SLC36A1: variants seen among roughly 807,000 people sequenced by gnomAD.
The protein encoded by SLC36A1 is proton-coupled amino acid transporter 1.
A neutral mutation model predicts 47.5 loss-of-function variants in SLC36A1; 30 were observed. That is an observed-to-expected ratio of 0.63 (90% CI 0.47 to 0.86). The LOEUF (loss-of-function observed/expected upper bound fraction) is 0.86, where lower values mean the gene tolerates loss of function less well. Among genes scored for constraint, SLC36A1 ranks in the 40% least tolerant of loss-of-function variants. The pLI is 0.00. For synonymous variants in SLC36A1, 255 were observed against 249.7 expected (o/e 1.02, Z -0.20); for missense variants, 517 against 606.0 (o/e 0.85, Z 1.54).
chr5:151,474,178 A>AAAAAAAAAAAAGGAG (rs776318482), intron 8 of SLC36A1, among the ~76,000 whole-genome samples: 2 of 119,008 alleles, frequency 1.7e-5, no homozygotes, highest in Non-Finnish European at 3.2e-5. Context: ...AAAAAAAAAA[A>AAAAAAAAAAAAGGAG]AGAAATTATC....
intron 10 of SLC36A1, among the ~76,000 whole-genome samples, chr5:151,483,174 T>G (rs152391): frequency 0.16 from 23,636 of 152,254 alleles, 2,096 homozygotes; most frequent in Non-Finnish European, 0.21. Context: ...GTAAGTTCGC[T>G]TTTGTTCTTT....
the SLC36A1 span, among the ~76,000 whole-genome samples, chr5:151,518,450 A>C: frequency 6.6e-6 from 1 of 152,060 alleles, no homozygotes; most frequent in Admixed American, 6.6e-5. Context: ...TTTATTCTAC[A>C]TAGTTTCCAT....
chr5:151,362,852 G>C, the SLC36A1 span, among the ~76,000 whole-genome samples: 1 of 151,988 alleles, frequency 6.6e-6, no homozygotes, highest in Non-Finnish European at 1.5e-5. Context: ...CATTATTTTG[G>C]AGATCACTGA....
the SLC36A1 span, chr5:151,529,290 G>T: frequency 1.2e-6 from 2 of 1,614,042 alleles, no homozygotes; most frequent in Non-Finnish European, 1.7e-6. Flanking sequence ...CATGACTGTG[G>T]TCACGTCACT....
chr5:151,374,341 A>G, the SLC36A1 span, among the ~76,000 whole-genome samples: 2 of 152,210 alleles, frequency 1.3e-5, no homozygotes, highest in Non-Finnish European at 2.9e-5. Flanking sequence ...TCATTAAAAC[A>G]GCATGTTGCT....
intron 1 of SLC36A1, among the ~76,000 whole-genome samples, chr5:151,438,457 C>A (rs1409020100): frequency 6.6e-6 from 1 of 151,932 alleles, no homozygotes; most frequent in African/African-American, 2.4e-5. Context: ...GCACTCAGCA[C>A]CCCCTATAAC....
chr5:151,505,708 T>A, the SLC36A1 span: 1 of 1,613,994 alleles, frequency 6.2e-7, no homozygotes, highest in Non-Finnish European at 8.5e-7. Flanking sequence ...CCAGCTCGGC[T>A]GAGGCGCATA....
chr5:151,351,095 A>C, the SLC36A1 span, among the ~76,000 whole-genome samples: 1 of 152,192 alleles, frequency 6.6e-6, no homozygotes, highest in Non-Finnish European at 1.5e-5. Context: ...GAAAATAAAC[A>C]AGTACAGTGC....
chr5:151,404,855 G>T, the SLC36A1 span, among the ~76,000 whole-genome samples: 1 of 152,072 alleles, frequency 6.6e-6, no homozygotes, highest in South Asian at 2.1e-4. Flanking sequence ...CTTTCTCATT[G>T]ACCTTGAAAG....
At chr5:151,525,958 G>A in the SLC36A1 span, 1 of 1,614,066 alleles carries the variant, frequency 6.2e-7, no homozygotes, top group Admixed American at 1.7e-5. Context: ...GCCAATGGGG[G>A]AGTTCTCCTG....
rs1463450267 is a variant in SLC36A1, at chr5:151,479,390, C to G, written c.1060C>G (p.Pro354Ala). ...FFTYALQFYV[P>A]AEIIIPFFVS... ...CACCTACGCACTCCAGTTCTACGTC[C>G]CGGCTGAGATCATCATCCCCTTCTT... The change falls in exon 10 of 11, where the codon CCG (proline) becomes GCG (alanine). Residue 354 changes from proline (P) to alanine (A), a missense_variant. By Grantham distance (27) the Pro-to-Ala change is conservative. Transcript: ENST00000243389. 2 of 1,614,106 alleles carry G rather than the reference C, an allele frequency of 1.2e-6. No individual in the cohort carries two copies. Among genetic ancestry groups the G allele is most frequent in the Admixed American group, 3.3e-5 (2 of 60,008 alleles).
chr5:151,467,575 T>C, intron 6 of SLC36A1, 132 bp from the exon 7 acceptor site: 1 of 741,640 alleles, frequency 1.3e-6, no homozygotes, highest in Non-Finnish European at 2.3e-6. Context: ...TAAAGATGGC[T>C]CACTGGCCAC....
chr5:151,458,330 A>ACACTTG lies in SLC36A1; in HGVS notation c.-5-458_-5-457insCACTTG, dbSNP rs1561738018. The stretch of plus-strand genomic sequence containing the variant: ...TATATACGTATATATATATATATAT[A>ACACTTG]TATGGGATATTTATATATATATATA... On this transcript the variant is annotated intron_variant, in intron 1 of 10. Transcript: ENST00000243389. Among the ~76,000 whole-genome samples the ACACTTG allele has an allele frequency of 2.5e-4, 24 of 96,826 alleles. 1 individual carries two copies. The highest frequency in any genetic ancestry group is 6.8e-4 in the African/African-American group (19 of 27,958). The allele number at this position is 96,826 out of a possible 152,430, so 63.5% of individuals were successfully genotyped here.
intron 2 of SLC36A1, 57 bp from the exon 3 acceptor site, chr5:151,463,496 A>T: frequency 8.2e-7 from 1 of 1,223,706 alleles, no homozygotes; most frequent in Non-Finnish European, 1.2e-6. Flanking sequence ...AAGCACTGAG[A>T]TCCTAATAAA....
chr5:151,525,514 T>C, the SLC36A1 span, among the ~76,000 whole-genome samples: 7,319 of 152,198 alleles, frequency 0.048, 179 homozygotes, highest in African/African-American at 0.054. Context: ...CTTTGCCACT[T>C]ATTACCAGTA....
At chr5:151,521,835 C>G in the SLC36A1 span, 6 of 1,614,098 alleles carry the variant, frequency 3.7e-6, no homozygotes, top group Non-Finnish European at 5.1e-6. Context: ...CGGCGATAAT[C>G]TTGCCATCAG....
chr5:151,501,944 G>T, the SLC36A1 span, among the ~76,000 whole-genome samples: 1 of 148,384 alleles, frequency 6.7e-6, no homozygotes, highest in Admixed American at 6.6e-5. Context: ...GAGACCTTGG[G>T]TTTAGCAATG....
chr5:151,463,532 C>G (rs1755883766), intron 2 of SLC36A1, 21 bp from the exon 3 acceptor site: 1 of 1,576,862 alleles, frequency 6.3e-7, no homozygotes, highest in Non-Finnish European at 8.7e-7. Context: ...TTATCATTTC[C>G]TTGGCTGTCT....
the SLC36A1 span, chr5:151,531,906 G>A: frequency 9.3e-6 from 15 of 1,614,130 alleles, no homozygotes; most frequent in Non-Finnish European, 1.3e-5. The surrounding 1 kb of genome is among the most constrained non-coding windows in gnomAD (Gnocchi z 5.7). Flanking sequence ...CCCCCGTGGT[G>A]GCGTCGATGG....
Sources: allele counts gnomAD v4.1 joint callset (sites outside exome capture counted in the v4.1 genomes callset), GRCh38; gene constraint gnomAD v4.1.1; non-coding constraint Gnocchi (gnomAD v3.1); transcripts MANE v1.5; gene names NCBI Gene and HGNC (gene_info 2026-07-23, HGNC 2026-07-21).